The following BICDL1 variants were observed in gnomAD, a reference collection of about 807,000 sequenced individuals.
The protein encoded by BICDL1 is BICD family-like cargo adapter 1.
BICDL1 carries 20 observed loss-of-function variants against 76.8 expected under a neutral mutation model. The observed-to-expected ratio is 0.26, with a 90% CI of 0.18 to 0.38. The LOEUF (loss-of-function observed/expected upper bound fraction) is 0.38. BICDL1 is among the 10% of genes least tolerant of loss of function. The pLI is 1.00. For missense variants in BICDL1, 700 were observed against 798.6 expected (o/e 0.88, Z 1.49); for synonymous variants, 383 against 337.1 (o/e 1.14, Z -1.49).
intron 2 of BICDL1, among the ~76,000 whole-genome samples, chr12:120,023,993 C>T (rs777665587): frequency 2.6e-5 from 4 of 151,542 alleles, no homozygotes; most frequent in Non-Finnish European, 5.9e-5. Context: ...AAAACACAGA[C>T]CTAAGGCTGG....
intron 8 of BICDL1, among the ~76,000 whole-genome samples, chr12:120,083,666 T>C (rs1375364621): frequency 6.7e-6 from 1 of 148,880 alleles, no homozygotes; most frequent in African/African-American, 2.5e-5. Context: ...TTTATTTATT[T>C]ATTTATTTAT....
intron 2 of BICDL1, among the ~76,000 whole-genome samples, chr12:120,048,214 T>A (rs1454211993): frequency 6.6e-6 from 1 of 152,044 alleles, no homozygotes; most frequent in Non-Finnish European, 1.5e-5. Flanking sequence ...GAGGTCTCAC[T>A]GTGTCGCTCA....
intron 2 of BICDL1, among the ~76,000 whole-genome samples, chr12:120,042,906 G>A (rs1164472602): frequency 2.6e-5 from 4 of 151,994 alleles, no homozygotes; most frequent in Non-Finnish European, 1.5e-5. Flanking sequence ...AGGAAGAAGT[G>A]CCAGCCTGGT....
intron 3 of BICDL1, among the ~76,000 whole-genome samples, chr12:120,062,801 G>A (rs1434885477): frequency 6.6e-6 from 1 of 152,146 alleles, no homozygotes; most frequent in Non-Finnish European, 1.5e-5. Flanking sequence ...TGGCATGCCT[G>A]TGTGTGACCA....
chr12:119,991,569 T>G (rs528035554), intron 1 of BICDL1, among the ~76,000 whole-genome samples: 19 of 152,320 alleles, frequency 1.2e-4, no homozygotes, highest in Middle Eastern at 3.4e-3. Context: ...TGAATTGAAT[T>G]GTTTAATTTT....
chr12:120,072,736 G>A lies in BICDL1; in HGVS notation c.1308+7G>A. 2.5e-6 allele frequency: 4 copies of A among 1,609,878 alleles called. No homozygotes were observed. Among genetic ancestry groups the A allele is most frequent in the Non-Finnish European group, 3.4e-6 (4 of 1,179,094 alleles). On this transcript the variant is annotated splice_region_variant and intron_variant, in intron 6 of 9. Transcript: ENST00000548673. The stretch of plus-strand genomic sequence containing the variant: ...GGATGGCATGGAGCCCACGGTAAGA[G>A]GCCAGTCTGAGATGGTCCTTACCCC...
At chr12:120,064,284 G>T (rs1392437654) in intron 3 of BICDL1, among the ~76,000 whole-genome samples, 2 of 152,180 alleles carry the variant, frequency 1.3e-5, no homozygotes, top group African/African-American at 4.8e-5. Flanking sequence ...GAATCCCGGG[G>T]TGTGAAAACA....
intron 1 of BICDL1, among the ~76,000 whole-genome samples, chr12:119,998,143 T>G (rs181588161): frequency 1.3e-5 from 2 of 152,202 alleles, no homozygotes; most frequent in East Asian, 3.9e-4. Flanking sequence ...CAAGACTCCA[T>G]CTCAAAAAAA....
chr12:120,005,703 T>C (rs1468060065), intron 2 of BICDL1, among the ~76,000 whole-genome samples: 1 of 152,202 alleles, frequency 6.6e-6, no homozygotes, highest in African/African-American at 2.4e-5. Context: ...ATGGTTTTCT[T>C]AAAATTCTTT....
intron 7 of BICDL1, among the ~76,000 whole-genome samples, chr12:120,075,780 A>G (rs924714903): frequency 3.3e-5 from 5 of 152,218 alleles, no homozygotes; most frequent in Admixed American, 3.3e-4. Flanking sequence ...TTTCTTGGAA[A>G]ATATCGGGAG....
intron 8 of BICDL1, among the ~76,000 whole-genome samples, chr12:120,085,257 C>A (rs1874310181): frequency 6.6e-6 from 1 of 151,976 alleles, no homozygotes; most frequent in Non-Finnish European, 1.5e-5. Context: ...ACCAACCTGG[C>A]CAACATGGTG....
At chr12:119,990,871 G>A (rs534204188) in intron 1 of BICDL1, among the ~76,000 whole-genome samples, 1 of 152,322 alleles carries the variant, frequency 6.6e-6, no homozygotes, top group South Asian at 2.1e-4. Context: ...ACATGTGACC[G>A]CTGGTAGTGG....
chr12:119,995,768 C>T (rs1284229345), intron 1 of BICDL1, among the ~76,000 whole-genome samples: 5 of 152,052 alleles, frequency 3.3e-5, no homozygotes, highest in African/African-American at 4.8e-5. Flanking sequence ...AAGCGGATCA[C>T]GAGGTCAGGA....
chr12:120,019,582 C>T (rs1407783309), intron 2 of BICDL1, among the ~76,000 whole-genome samples: 1 of 152,070 alleles, frequency 6.6e-6, no homozygotes, highest in Admixed American at 6.6e-5. Flanking sequence ...TAGTGCTCAG[C>T]AAGTAAATCT....
At chr12:120,092,331 A>C (rs900983748) in intron 9 of BICDL1, 31 of 985,464 alleles carry the variant, frequency 3.1e-5, no homozygotes, top group Middle Eastern at 1.0e-3. Context: ...GTCCTACCCC[A>C]GTGAGGAAGC....
At chr12:120,057,818 C>CT (rs143777152) in intron 2 of BICDL1, among the ~76,000 whole-genome samples, 1,044 of 78,334 alleles carry the variant, frequency 0.013, 160 homozygotes, top group African/African-American at 0.02. Context: ...GCGATTCCTG[C>CT]TTTTTTTTTT....
At chr12:120,021,932 TAAAA>T (rs1339585667) in intron 2 of BICDL1, among the ~76,000 whole-genome samples, 7 of 138,246 alleles carry the variant, frequency 5.1e-5, no homozygotes, top group African/African-American at 1.3e-4. Context: ...ATAAAATAAA[TAAAA>T]AAATAAAATA....
intron 2 of BICDL1, among the ~76,000 whole-genome samples, chr12:120,033,573 G>A (rs1175563752): frequency 1.3e-5 from 2 of 151,834 alleles, no homozygotes; most frequent in Non-Finnish European, 2.9e-5. Context: ...AGTAGAGACA[G>A]GGTTTCACCG....
At chr12:120,048,254 C>T (rs1030923520) in intron 2 of BICDL1, among the ~76,000 whole-genome samples, 2 of 151,904 alleles carry the variant, frequency 1.3e-5, no homozygotes, top group East Asian at 1.9e-4. Flanking sequence ...TTTGCAGGCA[C>T]GATCATAGCT....
Sources: allele counts gnomAD v4.1 joint callset (sites outside exome capture counted in the v4.1 genomes callset), GRCh38; gene constraint gnomAD v4.1.1; transcripts MANE v1.5; gene names NCBI Gene and HGNC (gene_info 2026-07-23, HGNC 2026-07-21).